P4HA2: variants seen among roughly 807,000 people sequenced by gnomAD.
P4HA2 encodes prolyl 4-hydroxylase subunit alpha 2.
P4HA2 carries 46 observed loss-of-function variants against 76.9 expected under a neutral mutation model. The ratio of observed to expected loss-of-function variants is 0.60; its 90% confidence interval spans 0.47 to 0.76. The LOEUF (loss-of-function observed/expected upper bound fraction) is 0.76, where lower values mean the gene tolerates loss of function less well. Ranked by LOEUF, P4HA2 falls within the 30% of genes least tolerant of loss-of-function variation. The pLI is 0.00. For synonymous variants in P4HA2, 243 were observed against 254.0 expected (o/e 0.96, Z 0.41); for missense variants, 583 against 669.4 (o/e 0.87, Z 1.42).
intron 14 of P4HA2, among the ~76,000 whole-genome samples, chr5:132,194,201 T>TA: frequency 6.6e-6 from 1 of 152,336 alleles, no homozygotes; most frequent in East Asian, 1.9e-4. Context: ...GTGTTACACC[T>TA]GAGCCATCTA....
rs867700599 is a variant in P4HA2 at position 132,207,593 on chromosome 5, G to T, written c.1080+115C>A. ...CTCTGTATCCCCACGGTAGGCCCAT[G>T]CTAGATATGGATAAAGGGTGGCTAG... On this transcript the variant is annotated intron_variant, in intron 8 of 14. Transcript: ENST00000360568. The T allele has an allele frequency of 6.1e-5, 49 of 798,636 alleles. No homozygotes were observed. The African/African-American group carries it at 6.5e-4, about 11-fold the overall frequency. 49.5% of individuals were successfully genotyped at this position (798,636 alleles called of 1,614,324 possible).
At chr5:132,207,988 T>G in intron 7 of P4HA2, 104 bp from the exon 8 acceptor site, 1 of 825,488 alleles carries the variant, frequency 1.2e-6, no homozygotes, top group Non-Finnish European at 1.9e-6. Flanking sequence ...CAGCAGCTGC[T>G]CCCTCCCACC....
In P4HA2 at chr5:132,194,991, C is replaced by A. The variant is rs746731286; in HGVS notation, c.1466G>T (p.Arg489Leu). The part of the protein sequence containing the change: ...GTAVFWYNLL[R>L]SGEGDYRTRH... ...TGTTCGGTAGTCACCTTCCCCGCTCCGCAAGAGGTTGTACCAGAACACAGC... is the reference window on the plus strand; with the variant it reads ...TGTTCGGTAGTCACCTTCCCCGCTCAGCAAGAGGTTGTACCAGAACACAGC... The change falls in exon 14 of 15, where the codon CGG becomes CTG. Residue 489 changes from arginine (R) to leucine (L), a missense_variant. Coordinates refer to ENST00000360568, the MANE Select transcript of P4HA2 (RefSeq NM_001017974.2). 5.6e-6 allele frequency: 9 copies of A among 1,613,430 alleles called. No homozygotes were observed. Among genetic ancestry groups the A allele is most frequent in the African/African-American group, 1.3e-5 (1 of 75,020 alleles).
intron 10 of P4HA2, chr5:132,199,849 A>G: frequency 6.6e-6 from 1 of 152,248 alleles, no homozygotes; most frequent in East Asian, 1.9e-4. Flanking sequence ...CCTTTTCTGC[A>G]ATCCCAACAG....
At chr5:132,221,660 T>C (rs1305269667) in intron 1 of P4HA2, among the ~76,000 whole-genome samples, 1 of 152,212 alleles carries the variant, frequency 6.6e-6, no homozygotes, top group Non-Finnish European at 1.5e-5. Flanking sequence ...TATATCTTGG[T>C]GAAATAATTT....
intron 14 of P4HA2, chr5:132,193,696 C>T (rs1264738962): frequency 2.6e-5 from 4 of 152,120 alleles, no homozygotes; most frequent in African/African-American, 9.7e-5. Flanking sequence ...AGCCGTGGAC[C>T]AGCAGATCCA....
intron 1 of P4HA2, among the ~76,000 whole-genome samples, chr5:132,223,186 A>T (rs1444045673): frequency 6.6e-6 from 1 of 152,236 alleles, no homozygotes; most frequent in Non-Finnish European, 1.5e-5. Context: ...AAGGGCCCTC[A>T]TAGGGTAACC....
chr5:132,214,332 AGTCTT>A (rs1753558029), intron 4 of P4HA2, among the ~76,000 whole-genome samples: 1 of 152,192 alleles, frequency 6.6e-6, no homozygotes, highest in African/African-American at 2.4e-5. Context: ...GGAGTCCAGA[AGTCTT>A]GGCTCCAAAT....
chr5:132,216,977 G>A (rs1753982331), intron 4 of P4HA2, among the ~76,000 whole-genome samples: 1 of 151,944 alleles, frequency 6.6e-6, no homozygotes, highest in Non-Finnish European at 1.5e-5. Flanking sequence ...AAAAAAAGAC[G>A]CTAAAAAAAG....
chr5:132,219,484 C>T (rs769032815), intron 1 of P4HA2, among the ~76,000 whole-genome samples: 1 of 152,184 alleles, frequency 6.6e-6, no homozygotes, highest in Non-Finnish European at 1.5e-5. Context: ...CAGAAATAGG[C>T]ACAACCTGAG....
At position 132,221,160 on chromosome 5, in the gene P4HA2, C is replaced by T. The variant is rs192691512; in HGVS notation, c.-18-2516G>A. ...AACTATGCCCACAGCTTGCTTAAGA[C>T]AGAGTAGGTGAAAGTATGTGTACCT... On this transcript the variant is annotated intron_variant, in intron 1 of 14. Coordinates refer to ENST00000360568, the MANE Select transcript of P4HA2 (RefSeq NM_001017974.2). Among the ~76,000 whole-genome samples, 13 of 152,346 alleles carry T rather than the reference C, an allele frequency of 8.5e-5. No homozygotes were observed. In the East Asian group the frequency reaches 1.7e-3, roughly 20 times the overall value.
chr5:132,221,878 C>T (rs149072148), intron 1 of P4HA2, among the ~76,000 whole-genome samples: 1 of 152,358 alleles, frequency 6.6e-6, no homozygotes, highest in East Asian at 1.9e-4. Flanking sequence ...CAGTGATTCA[C>T]CCATCAGGCG....
chr5:132,218,982 C>T (rs1344337544), intron 1 of P4HA2, among the ~76,000 whole-genome samples: 1 of 152,200 alleles, frequency 6.6e-6, no homozygotes, highest in Non-Finnish European at 1.5e-5. Context: ...AAGATTCTGG[C>T]CCACTCCTTC....
At position 132,213,964 on chromosome 5, in the gene P4HA2, C is replaced by T; in HGVS notation, c.421G>A (p.Asp141Asn). 1 of 1,614,156 alleles carries T rather than the reference C, an allele frequency of 6.2e-7. No homozygotes were observed. The change falls in exon 5 of 15, where the codon GAC becomes AAC. Residue 141 changes from aspartate (D) to asparagine (N), a missense_variant. Physicochemically the swap from Asp to Asn is conservative, Grantham distance 23 (BLOSUM62 1). Transcript: ENST00000360568. ...GTGCCTGGGTCCAGCCTGTATGTGTCCTGAAGTCTCATCAGGGCTTTGGCA... is the reference window on the plus strand; with the variant it reads ...GTGCCTGGGTCCAGCCTGTATGTGTTCTGAAGTCTCATCAGGGCTTTGGCA... ...GAAKALMRLQ[D>N]TYRLDPGTIS...
chr5:132,194,927 C>G lies in P4HA2; in HGVS notation c.1530G>C (p.Trp510Cys). The G allele has an allele frequency of 6.2e-7, 1 of 1,606,410 alleles. No homozygotes were observed. Among genetic ancestry groups the G allele is most frequent in the Non-Finnish European group, 8.5e-7 (1 of 1,172,870 alleles). Residue 510 changes from tryptophan to cysteine, a missense_variant and splice_region_variant, in exon 14 of 15, where the codon TGG (tryptophan) becomes TGC (cysteine). Coordinates refer to ENST00000360568, the MANE Select transcript of P4HA2 (RefSeq NM_001017974.2). ...AACACTACCCCTTAAGACACTCACC[C>G]CACTTGCAGCCCACAAGCACAGGGC... ...AACPVLVGCKWVSNKWFHERG... is the reference protein window; with the variant it reads ...AACPVLVGCKCVSNKWFHERG...
At chr5:132,197,608 CA>C (rs555319735) in intron 12 of P4HA2, among the ~76,000 whole-genome samples, 152 of 55,206 alleles carry the variant, frequency 2.8e-3, no homozygotes, top group African/African-American at 4.6e-3. Context: ...ACTCCATCTC[CA>C]AAAAAAAAAA....
chr5:132,221,071 A>G (rs1359508252), intron 1 of P4HA2, among the ~76,000 whole-genome samples: 3 of 152,174 alleles, frequency 2.0e-5, no homozygotes, highest in Non-Finnish European at 4.4e-5. Context: ...GATTGGGAGG[A>G]GGCAGCATCC....
Position 132,192,977 on chromosome 5 carries a change from A to C in P4HA2, c.*33T>G, listed in dbSNP as rs1404756988. The C allele has an allele frequency of 7.1e-7, 1 of 1,414,656 alleles. No individual in the cohort carries two copies. The highest frequency in any genetic ancestry group is 1.0e-6 in the Non-Finnish European group (1 of 997,910). The allele number at this position is 1,414,656 out of a possible 1,614,324, so 87.6% of individuals were successfully genotyped here. On this transcript the variant is annotated 3_prime_UTR_variant, in exon 15 of 15. Transcript: ENST00000360568. ...GTGTCTGTCACGTTGACATGGGCTG[A>C]AGGACCAGGAAGGGGAAGGACAGAA...
At chr5:132,215,469 G>A (rs559148365) in intron 4 of P4HA2, among the ~76,000 whole-genome samples, 107 of 152,330 alleles carry the variant, frequency 7.0e-4, no homozygotes, top group African/African-American at 2.1e-3. Context: ...AGGCCCAGGC[G>A]GAGAGGCGGG....
Sources: gnomAD v4.1 joint callset for allele counts (sites outside exome capture counted in the v4.1 genomes callset) on GRCh38, gnomAD v4.1.1 for gene constraint, MANE v1.5 for transcripts, NCBI Gene and HGNC (gene_info 2026-07-23, HGNC 2026-07-21) for gene names.